Variants in SLC12A8 observed in about 807,000 individuals in gnomAD.
SLC12A8 encodes solute carrier family 12 member 8.
Under a neutral mutation model 75.6 loss-of-function variants are expected in SLC12A8, and 69 were observed. The ratio of observed to expected loss-of-function variants is 0.91; its 90% CI spans 0.75 to 1.11. SLC12A8 has a LOEUF of 1.11. SLC12A8 is among the 50% of genes most tolerant of loss of function. The probability of loss-of-function intolerance (pLI) is 0.00; values close to 1 mark genes in which losing one functional copy is unlikely to be tolerated. For missense variants in SLC12A8, 877 were observed against 896.7 expected (o/e 0.98, Z 0.28); for synonymous variants, 365 against 372.8 (o/e 0.98, Z 0.24).
At position 125,107,963 on chromosome 3, in the gene SLC12A8, C is replaced by A. The variant is rs774860630; in HGVS notation, c.1223G>T (p.Cys408Phe). ...VDYSYFSLSMCSCSLTPVPEP... is the reference protein window; with the variant it reads ...VDYSYFSLSMFSCSLTPVPEP... Reference sequence around the variant, plus strand: ...AGGCACCGGGGTCAGGCTGCAGGAACACATGGACAGGGAGAAGTAAGAGTA... The same window carrying A: ...AGGCACCGGGGTCAGGCTGCAGGAAAACATGGACAGGGAGAAGTAAGAGTA... Residue 408 changes from cysteine to phenylalanine, a missense_variant, in exon 10 of 14, where the codon TGT (cysteine) becomes TTT (phenylalanine). By Grantham distance (205) the Cys-to-Phe change is radical. Transcript: ENST00000469902. 6.2e-6 allele frequency: 10 copies of A among 1,614,168 alleles called. No individual in the cohort carries two copies. The highest frequency in any genetic ancestry group is 8.5e-6 in the Non-Finnish European group (10 of 1,180,030).
intron 8 of SLC12A8, among the ~76,000 whole-genome samples, chr3:125,117,798 T>C (rs1442195583): frequency 6.6e-6 from 1 of 152,168 alleles, no homozygotes; most frequent in East Asian, 1.9e-4. Context: ...ATCTTATTCA[T>C]GTGGCTTCTA....
In SLC12A8 at chr3:125,083,947, C is replaced by T. The variant is rs762328693; in HGVS notation, c.2088G>A (p.Arg696=). The change falls in exon 14 of 14, where the codon CGG becomes CGA. Residue 696 remains arginine (R), a synonymous_variant. Coordinates refer to ENST00000469902, the MANE Select transcript of SLC12A8 (RefSeq NM_024628.6). ...LTQENADFAT[R]DRYHHSSLVN... ...CGAGGGAGGAGTGGTGGTAGCGATC[C>T]CGAGTGGCGAAGTCTGCATTCTCCT... 1.2e-6 allele frequency: 2 copies of T among 1,613,560 alleles called. No individual in the cohort carries two copies. Among genetic ancestry groups the T allele is most frequent in the Non-Finnish European group, 1.7e-6 (2 of 1,179,906 alleles).
At chr3:125,209,005 C>G (rs146451664) in intron 2 of SLC12A8, among the ~76,000 whole-genome samples, 3 of 152,270 alleles carry the variant, frequency 2.0e-5, no homozygotes, top group Admixed American at 6.5e-5. Context: ...AGCCTGTCTT[C>G]CCACTGGGCA....
At chr3:125,204,987 C>A (rs1217176063) in intron 2 of SLC12A8, among the ~76,000 whole-genome samples, 5 of 152,104 alleles carry the variant, frequency 3.3e-5, no homozygotes, top group South Asian at 2.1e-4. Context: ...GCAAAACAAC[C>A]AATGCTGAGT....
chr3:125,083,153 T>C lies in SLC12A8; in HGVS notation c.*737A>G, dbSNP rs956914796. ...AGGGAGACTTTTCACTCTATATATC[T>C]TTTGGGTGTGGAAACATGTGAGTGT... On this transcript the variant is annotated 3_prime_UTR_variant, in exon 14 of 14. Coordinates refer to ENST00000469902, the MANE Select transcript of SLC12A8 (RefSeq NM_024628.6). 2 of 152,158 alleles carry C rather than the reference T, an allele frequency of 1.3e-5. No individual in the cohort carries two copies. The highest frequency in any genetic ancestry group is 1.3e-4 in the Admixed American group (2 of 15,276). The allele number at this position is 152,158 out of a possible 1,614,324, so 9.4% of individuals were successfully genotyped here.
chr3:125,083,293 C>A lies in SLC12A8; in HGVS notation c.*597G>T, dbSNP rs898994448. 6 of 152,370 alleles carry A rather than the reference C, an allele frequency of 3.9e-5. No individual in the cohort carries two copies. The highest frequency in any genetic ancestry group is 1.2e-4 in the African/African-American group (5 of 41,414). 9.4% of individuals were successfully genotyped at this position (152,370 alleles called of 1,614,324 possible). ...TTGGTGTCCCCTGCTAGTCTTAGTA[C>A]CTGTATAGAGCTCTTCAGACTGGGT... On this transcript the variant is annotated 3_prime_UTR_variant, in exon 14 of 14. Transcript: ENST00000469902.
intron 2 of SLC12A8, among the ~76,000 whole-genome samples, chr3:125,204,068 C>A (rs1360764617): frequency 6.6e-6 from 1 of 152,016 alleles, no homozygotes; most frequent in African/African-American, 2.4e-5. Flanking sequence ...GACTATTATC[C>A]AAAAAATGTA....
At chr3:125,102,003 T>C (rs879321038) in intron 10 of SLC12A8, among the ~76,000 whole-genome samples, 1 of 152,216 alleles carries the variant, frequency 6.6e-6, no homozygotes. Context: ...GAAATGAGTT[T>C]AATATTTATT....
chr3:125,195,851 T>C (rs78638448), intron 2 of SLC12A8, among the ~76,000 whole-genome samples: 5,567 of 152,260 alleles, frequency 0.037, 157 homozygotes, highest in Admixed American at 0.077. Flanking sequence ...CAAGGCCACC[T>C]AAACAAGGGC....
In SLC12A8 at chr3:125,189,188, G is replaced by C. The variant is rs1352207771; in HGVS notation, c.198+1187C>G. Among the ~76,000 whole-genome samples the C allele has an allele frequency of 2.0e-5, 3 of 152,180 alleles. No individual in the cohort carries two copies. The East Asian group carries it at 5.8e-4, about 29-fold the overall frequency. ...GTTGAAGGCCTTACAAGCAAAGGCTGGTTTCCCAAAGAGGAAGGAATTCTG... is the reference window on the plus strand; with the variant it reads ...GTTGAAGGCCTTACAAGCAAAGGCTCGTTTCCCAAAGAGGAAGGAATTCTG... On this transcript the variant is annotated intron_variant, in intron 3 of 13. Transcript: ENST00000469902.
intron 6 of SLC12A8, among the ~76,000 whole-genome samples, chr3:125,133,574 T>C (rs947936476): frequency 2.0e-5 from 3 of 151,870 alleles, no homozygotes; most frequent in Non-Finnish European, 2.9e-5. Flanking sequence ...TACAGGTGCA[T>C]GCCACCACGC....
At chr3:125,191,268 T>G (rs1934903883) in intron 2 of SLC12A8, among the ~76,000 whole-genome samples, 1 of 152,120 alleles carries the variant, frequency 6.6e-6, no homozygotes, top group African/African-American at 2.4e-5. Flanking sequence ...TTTTTCCAAT[T>G]CACAAATAAC....
chr3:125,126,216 T>C (rs1933202746), intron 6 of SLC12A8, among the ~76,000 whole-genome samples: 1 of 152,172 alleles, frequency 6.6e-6, no homozygotes, highest in Admixed American at 6.5e-5. Context: ...TCTGAAGGTG[T>C]CAGCCATCAC....
At chr3:125,205,723 A>G (rs1405481301) in intron 2 of SLC12A8, among the ~76,000 whole-genome samples, 1 of 152,216 alleles carries the variant, frequency 6.6e-6, no homozygotes, top group Non-Finnish European at 1.5e-5. Flanking sequence ...GGTGAAGCTA[A>G]CAGCTTAAGC....
chr3:125,110,481 G>A (rs1939160624), intron 8 of SLC12A8, 146 bp from the exon 9 acceptor site: 2 of 668,566 alleles, frequency 3.0e-6, no homozygotes, highest in South Asian at 4.8e-5. Flanking sequence ...CACATCCCCA[G>A]CCTCGCCCCC....
chr3:125,146,341 C>T (rs915900032), intron 5 of SLC12A8, among the ~76,000 whole-genome samples: 24 of 152,008 alleles, frequency 1.6e-4, no homozygotes, highest in African/African-American at 4.1e-4. Context: ...AAGTTTTGGA[C>T]GCAAATGGTT....
At chr3:125,142,752 C>T in intron 5 of SLC12A8, among the ~76,000 whole-genome samples, 1 of 152,254 alleles carries the variant, frequency 6.6e-6, no homozygotes, top group East Asian at 1.9e-4. Flanking sequence ...ATCGAACTCT[C>T]AGTAGCACAG....
intron 7 of SLC12A8, among the ~76,000 whole-genome samples, chr3:125,120,217 G>A (rs534628060): frequency 6.7e-6 from 1 of 149,598 alleles, no homozygotes; most frequent in South Asian, 2.2e-4. Context: ...GCCCCAATTC[G>A]TCTGATTGCA....
At chr3:125,201,250 A>T (rs1935114135) in intron 2 of SLC12A8, among the ~76,000 whole-genome samples, 2 of 152,058 alleles carry the variant, frequency 1.3e-5, no homozygotes, top group African/African-American at 4.8e-5. Flanking sequence ...CAAAAAATTT[A>T]AAAATTTGCC....
Sources: allele counts gnomAD v4.1 joint callset (sites outside exome capture counted in the v4.1 genomes callset), GRCh38; gene constraint gnomAD v4.1.1; transcripts MANE v1.5; gene names NCBI Gene and HGNC (gene_info 2026-07-23, HGNC 2026-07-21).